The following DGKB variants were observed in gnomAD, a reference collection of about 807,000 sequenced individuals.
DGKB encodes the protein diacylglycerol kinase beta.
DGKB carries 67 observed loss-of-function variants against 114.3 expected under a neutral mutation model. The ratio of observed to expected loss-of-function variants is 0.59; its 90% confidence interval spans 0.48 to 0.72. The LOEUF (loss-of-function observed/expected upper bound fraction) is 0.72, where lower values mean the gene tolerates loss of function less well. Ranked by LOEUF, DGKB falls within the 30% of genes least tolerant of loss-of-function variation. DGKB has a pLI of 0.00. For missense variants in DGKB, 907 were observed against 975.2 expected (o/e 0.93, Z 0.93); for synonymous variants, 398 against 323.1 (o/e 1.23, Z -2.49).
intron 23 of DGKB, among the ~76,000 whole-genome samples, chr7:14,194,056 G>C (rs752079545): frequency 3.3e-5 from 5 of 152,120 alleles, no homozygotes; most frequent in Non-Finnish European, 7.4e-5. Flanking sequence ...ATCAAGTGCT[G>C]GTAAGGTTGT....
intron 14 of DGKB, among the ~76,000 whole-genome samples, chr7:14,623,608 C>T (rs894736814): frequency 6.6e-6 from 1 of 152,106 alleles, no homozygotes; most frequent in African/African-American, 2.4e-5. Context: ...AGTCCATTTA[C>T]CTTGCAATTC....
intron 1 of DGKB, among the ~76,000 whole-genome samples, chr7:14,876,473 C>T (rs552087545): frequency 8.5e-5 from 13 of 152,332 alleles, no homozygotes; most frequent in African/African-American, 3.1e-4. Flanking sequence ...GCCAACAACA[C>T]TCGCGGGCTA....
At chr7:14,313,247 A>C (rs1401948308) in intron 23 of DGKB, among the ~76,000 whole-genome samples, 1 of 151,936 alleles carries the variant, frequency 6.6e-6, no homozygotes, top group African/African-American at 2.4e-5. Flanking sequence ...ACTTCAATTA[A>C]AACAACATAT....
intron 5 of DGKB, among the ~76,000 whole-genome samples, chr7:14,730,457 G>C (rs1202022825): frequency 6.6e-6 from 1 of 152,164 alleles, no homozygotes; most frequent in African/African-American, 2.4e-5. Flanking sequence ...TGACACTTTA[G>C]CTGAGGCTTT....
At chr7:14,720,039 G>C (rs1449899124) in intron 5 of DGKB, among the ~76,000 whole-genome samples, 1 of 151,818 alleles carries the variant, frequency 6.6e-6, no homozygotes, top group African/African-American at 2.4e-5. Flanking sequence ...TTTTGTTCAA[G>C]GCCAATCATA....
chr7:14,773,841 C>T (rs376497157), intron 2 of DGKB, among the ~76,000 whole-genome samples: 1 of 152,006 alleles, frequency 6.6e-6, no homozygotes, highest in East Asian at 1.9e-4. Flanking sequence ...TACATTACAT[C>T]CTGTGTTGTT....
rs920714830 is a variant in DGKB, at chr7:14,942,845, G to A, written c.-188+31851C>T. Among the ~76,000 whole-genome samples, 14 of 151,824 alleles carry A rather than the reference G, an allele frequency of 9.2e-5. 2 individuals carry two copies. The South Asian group carries it at 1.0e-3, about 11-fold the overall frequency. ...CTAAAATACCTTTTGCATTTCACTT[G>A]CAATCTTCATATCATGAATTATTTT... On this transcript the variant is annotated intron_variant, in intron 1 of 4. Coordinates refer to the DGKB transcript ENST00000437998.
At chr7:14,531,806 G>C (rs1478232928) in intron 20 of DGKB, among the ~76,000 whole-genome samples, 1 of 150,952 alleles carries the variant, frequency 6.6e-6, no homozygotes, top group Non-Finnish European at 1.5e-5. Context: ...ATAGAAATCA[G>C]GATTGTGGTA....
chr7:14,220,543 G>A (rs929135527), intron 23 of DGKB, among the ~76,000 whole-genome samples: 28 of 150,890 alleles, frequency 1.9e-4, no homozygotes, highest in African/African-American at 6.1e-4. Context: ...CTCCTTTTTC[G>A]AAATCAGAAA....
At chr7:14,318,602 A>T (rs963800835) in intron 23 of DGKB, among the ~76,000 whole-genome samples, 2 of 152,162 alleles carry the variant, frequency 1.3e-5, no homozygotes, top group Non-Finnish European at 2.9e-5. Flanking sequence ...ATCTCACACC[A>T]GTTAGAATGG....
intron 1 of DGKB, among the ~76,000 whole-genome samples, chr7:14,921,363 C>A (rs10276360): frequency 1.3e-5 from 2 of 151,890 alleles, no homozygotes; most frequent in African/African-American, 4.8e-5. Context: ...TTCGGAACTA[C>A]TTGCTTAATT....
At chr7:14,748,916 A>C (rs909039162) in intron 4 of DGKB, among the ~76,000 whole-genome samples, 19 of 152,166 alleles carry the variant, frequency 1.2e-4, no homozygotes, top group African/African-American at 4.6e-4. Context: ...CTATCAACCA[A>C]TGTTGACTGA....
chr7:14,515,276 A>G (rs1489768690), intron 20 of DGKB, among the ~76,000 whole-genome samples: 1 of 152,204 alleles, frequency 6.6e-6, no homozygotes, highest in East Asian at 1.9e-4. Flanking sequence ...AAATTACACA[A>G]TATCTCTGAG....
At chr7:14,580,316 G>T (rs1017359542) in intron 19 of DGKB, among the ~76,000 whole-genome samples, 2 of 152,138 alleles carry the variant, frequency 1.3e-5, no homozygotes, top group Non-Finnish European at 2.9e-5. Flanking sequence ...TTACTTGTTA[G>T]TGTAAGGTCT....
At chr7:14,763,204 A>C (rs932237955) in intron 2 of DGKB, among the ~76,000 whole-genome samples, 4 of 152,082 alleles carry the variant, frequency 2.6e-5, no homozygotes, top group African/African-American at 9.7e-5. Flanking sequence ...GAAGTTCAAC[A>C]TAATGTATGG....
intron 23 of DGKB, among the ~76,000 whole-genome samples, chr7:14,284,332 A>C (rs1437606197): frequency 5.6e-5 from 8 of 143,118 alleles, no homozygotes; most frequent in Non-Finnish European, 1.5e-5. Context: ...CACCAGTTAG[A>C]ATGGCAATCA....
chr7:14,898,210 G>A (rs2128234360), intron 1 of DGKB, among the ~76,000 whole-genome samples: 1 of 152,148 alleles, frequency 6.6e-6, no homozygotes, highest in Non-Finnish European at 1.5e-5. Context: ...AGCGGGCAGA[G>A]GAGTTTGGGT....
chr7:14,454,896 C>G (rs905008023), intron 21 of DGKB, among the ~76,000 whole-genome samples: 9 of 152,144 alleles, frequency 5.9e-5, no homozygotes, highest in African/African-American at 2.2e-4. Context: ...CTAAGAATCA[C>G]TATTCTACTC....
chr7:14,456,033 A>G (rs1832238912), intron 21 of DGKB, among the ~76,000 whole-genome samples: 1 of 152,022 alleles, frequency 6.6e-6, no homozygotes. Context: ...TACAAAATCT[A>G]AAATTTTTGA....
Sources: allele counts gnomAD v4.1 joint callset (sites outside exome capture counted in the v4.1 genomes callset), GRCh38; gene constraint gnomAD v4.1.1; transcripts MANE v1.5; gene names NCBI Gene and HGNC (gene_info 2026-07-23, HGNC 2026-07-21).